Variants in SLC6A12 observed in about 807,000 individuals in gnomAD.
The protein encoded by SLC6A12 is solute carrier family 6 member 12.
SLC6A12 carries 50 observed loss-of-function variants against 73.3 expected under a neutral mutation model. The ratio of observed to expected loss-of-function variants is 0.68; its 90% CI spans 0.54 to 0.86. The LOEUF is 0.86. Among genes scored for constraint, SLC6A12 ranks in the 40% least tolerant of loss-of-function variants. SLC6A12 has a pLI of 0.00. For synonymous variants in SLC6A12, 304 were observed against 309.2 expected, an observed-to-expected ratio of 0.98 and a Z score of 0.18; for missense variants, 648 against 772.8, an observed-to-expected ratio of 0.84 and a Z score of 1.92.
intron 15 of SLC6A12, among the ~76,000 whole-genome samples, chr12:192,211 T>C (rs1486459069): frequency 6.6e-6 from 1 of 152,214 alleles, no homozygotes; most frequent in Non-Finnish European, 1.5e-5. Flanking sequence ...CCTGAACCTT[T>C]CAGCAGTTTG....
At chr12:187,045 ATG>A (rs930446990), downstream of SLC6A12, among the ~76,000 whole-genome samples, 2 of 152,230 alleles carry the variant, frequency 1.3e-5, no homozygotes, top group African/African-American at 4.8e-5. Flanking sequence ...AAAAGCGAAT[ATG>A]TGAGAAAACC....
chr12:193,334 G>A lies in SLC6A12; in HGVS notation c.1473C>T (p.Tyr491=). 6.2e-7 allele frequency: 1 copy of A among 1,613,406 alleles called. No homozygotes were observed. Among genetic ancestry groups the A allele is most frequent in the Non-Finnish European group, 8.5e-7 (1 of 1,179,876 alleles). The change falls in exon 14 of 16, where the codon TAC becomes TAT. Residue 491 remains tyrosine (Y), a synonymous_variant. Transcript: ENST00000684302. The part of the protein sequence containing the change: ...FYDNIEDMIG[Y]RPWPLVKISW... ...AGATCTTCACCAGGGGCCATGGCCG[G>A]TAGCCAATCATGTCCTCAATGTTGT...
intron 10 of SLC6A12, among the ~76,000 whole-genome samples, chr12:197,090 C>CATCT (rs1565468864): frequency 4.5e-4 from 8 of 17,864 alleles, no homozygotes; most frequent in South Asian, 2.3e-3. Flanking sequence ...TCCATCCATC[C>CATCT]ATCCATCCAT....
chr12:204,970 C>T, intron 3 of SLC6A12: 1 of 384,458 alleles, frequency 2.6e-6, no homozygotes, highest in South Asian at 4.6e-5. Context: ...AATATATGCA[C>T]TATTTATTTT....
chr12:201,233 G>A, intron 6 of SLC6A12: 1 of 195,016 alleles, frequency 5.1e-6, no homozygotes, highest in South Asian at 1.1e-4. Context: ...CCTACGTGGG[G>A]GTTAGCTCAG....
chr12:189,262 C>G (rs905609045), downstream of SLC6A12, among the ~76,000 whole-genome samples: 2 of 152,156 alleles, frequency 1.3e-5, no homozygotes, highest in African/African-American at 4.8e-5. Context: ...CGCTACTCCC[C>G]TCTGCCACCC....
intron 3 of SLC6A12, among the ~76,000 whole-genome samples, chr12:208,236 C>A (rs1374102727): frequency 1.3e-5 from 2 of 152,218 alleles, no homozygotes; most frequent in African/African-American, 4.8e-5. Context: ...GAAACCACCA[C>A]CCTGCCCCTT....
At position 198,058 on chromosome 12, in the gene SLC6A12, G is replaced by C; in HGVS notation, c.847-55C>G. ...GCAGCCCCCAGGGCCCAGAGCCAGG[G>C]TGACCCGAGATCCAGACCCGTCCCC... On this transcript the variant is annotated intron_variant, in intron 8 of 15. Transcript: ENST00000684302. This position sits in a 1 kb window ranked among gnomAD's most constrained non-coding sequence, Gnocchi z 4.0. 6.8e-7 allele frequency: 1 copy of C among 1,474,110 alleles called. No individual in the cohort carries two copies. Among genetic ancestry groups the C allele is most frequent in the Non-Finnish European group, 9.5e-7 (1 of 1,054,672 alleles). 91.3% of individuals were successfully genotyped at this position (1,474,110 alleles called of 1,614,324 possible). A position where few individuals can be genotyped will look rare whatever the true frequency, so the allele number is the denominator to read the frequency against.
intron 2 of SLC6A12, among the ~76,000 whole-genome samples, 193 bp downstream of exon 2, chr12:211,833 G>A (rs1372320841): frequency 2.0e-5 from 3 of 152,210 alleles, no homozygotes; most frequent in African/African-American, 7.2e-5. Context: ...TGACATCTGA[G>A]TCAGCAGTAT....
Position 197,441 on chromosome 12 carries a change from G to C in SLC6A12, c.1011C>G (p.Val337=), listed in dbSNP as rs780353189. Residue 337 remains valine (V), a synonymous_variant, in exon 10 of 16, where the codon GTC becomes GTG. Coordinates refer to ENST00000684302, the MANE Select transcript of SLC6A12 (RefSeq NM_001122848.3). ...GGGACATGAAGCCCAGGATGGAGAA[G>C]ACAACAAACCCAGCCACAAAGCTGG... ...SATSFVAGFV[V]FSILGFMSQE... 11 of 1,613,998 alleles carry C rather than the reference G, an allele frequency of 6.8e-6. No individual in the cohort carries two copies. The highest frequency in any genetic ancestry group is 2.2e-5 in the East Asian group (1 of 44,870).
At chr12:206,385 T>C (rs1461027325) in intron 3 of SLC6A12, among the ~76,000 whole-genome samples, 2 of 152,250 alleles carry the variant, frequency 1.3e-5, no homozygotes, top group South Asian at 4.1e-4. Context: ...GCCTCCAAGA[T>C]TGATCCAGGT....
At chr12:186,396 T>C (rs997815145), downstream of SLC6A12, among the ~76,000 whole-genome samples, 1 of 152,220 alleles carries the variant, frequency 6.6e-6, no homozygotes, top group African/African-American at 2.4e-5. Flanking sequence ...TATCTACTGC[T>C]GTGTAAAAAA....
chr12:197,613 G>C lies in SLC6A12; in HGVS notation c.951-112C>G, dbSNP rs1939988164. On this transcript the variant is annotated intron_variant, in intron 9 of 15. Transcript: ENST00000684302. ...ACAGTGAGAGGGGACCAAGGAGAGA[G>C]AAGGGGGAGGCAAGGGAGGCACAGA... The C allele has an allele frequency of 2.6e-6, 3 of 1,156,580 alleles. No homozygotes were observed. The Admixed American group carries it at 8.3e-5, about 32-fold the overall frequency. The allele number at this position is 1,156,580 out of a possible 1,614,324, so 71.6% of individuals were successfully genotyped here. A position where few individuals can be genotyped will look rare whatever the true frequency, so the allele number is the denominator to read the frequency against.
rs199764894 is a variant in SLC6A12 at position 195,179 on chromosome 12, G to A, written c.1429+46C>T. ...AAAGCCTGCCCCTGGCTGGCTAGACGGTCTTTCTCCCACCCTGCTTTCCCA... is the reference window on the plus strand; with the variant it reads ...AAAGCCTGCCCCTGGCTGGCTAGACAGTCTTTCTCCCACCCTGCTTTCCCA... On this transcript the variant is annotated intron_variant, in intron 13 of 15. Coordinates refer to ENST00000684302, the MANE Select transcript of SLC6A12 (RefSeq NM_001122848.3). 7.0e-5 allele frequency: 87 copies of A among 1,239,276 alleles called. No homozygotes were observed. The African/African-American group carries it at 8.3e-4, about 12-fold the overall frequency. The allele number at this position is 1,239,276 out of a possible 1,614,324, so 76.8% of individuals were successfully genotyped here.
downstream of SLC6A12, among the ~76,000 whole-genome samples, chr12:187,764 C>T (rs1591772585): frequency 6.6e-6 from 1 of 152,026 alleles, no homozygotes; most frequent in Non-Finnish European, 1.5e-5. Context: ...TTACAGAGAG[C>T]CGATTGGTCC....
At position 198,111 on chromosome 12, in the gene SLC6A12, T is replaced by C; in HGVS notation, c.847-108A>G. 2.5e-6 allele frequency: 2 copies of C among 802,486 alleles called. No individual in the cohort carries two copies. Among genetic ancestry groups the C allele is most frequent in the South Asian group, 3.2e-5 (2 of 63,242 alleles). The allele number at this position is 802,486 out of a possible 1,614,324, so 49.7% of individuals were successfully genotyped here. A position where few individuals can be genotyped will look rare whatever the true frequency, so the allele number is the denominator to read the frequency against. The stretch of plus-strand genomic sequence containing the variant: ...CAGCACCAGCCTGGCCCCTCAGTGC[T>C]CCCTGAGCGCTTCCCTCCTGCATCC... On this transcript the variant is annotated intron_variant, in intron 8 of 15. Transcript: ENST00000684302. The surrounding 1 kb of genome is among the most constrained non-coding windows in gnomAD (Gnocchi z 4.0).
chr12:191,146 A>G lies in SLC6A12; in HGVS notation c.1767T>C (p.Asp589=). The change falls in exon 16 of 16, where the codon GAT becomes GAC. Residue 589 remains aspartate (D), a synonymous_variant. Coordinates refer to ENST00000684302, the MANE Select transcript of SLC6A12 (RefSeq NM_001122848.3). ...LPQPKQHPCL[D]GSAGRNFGPS... ...GCCCAAAGTTCCGGCCAGCACTGCC[A>G]TCCAAGCAGGGATGTTGCTTGGGCT... The G allele has an allele frequency of 7.5e-7, 1 of 1,337,278 alleles. No individual in the cohort carries two copies. Among genetic ancestry groups the G allele is most frequent in the South Asian group, 2.5e-5 (1 of 39,216 alleles). The allele number at this position is 1,337,278 out of a possible 1,614,324, so 82.8% of individuals were successfully genotyped here.
chr12:200,847 G>A (rs1940221636), intron 6 of SLC6A12, 64 bp from the exon 7 acceptor site: 2 of 1,535,788 alleles, frequency 1.3e-6, no homozygotes, highest in African/African-American at 2.7e-5. Flanking sequence ...GCGTCTGTCA[G>A]CAAGTCTCCT....
At position 192,653 on chromosome 12, in the gene SLC6A12, G is replaced by A. The variant is rs1377246646; in HGVS notation, c.1531-5C>T. 1 of 1,614,044 alleles carries A rather than the reference G, an allele frequency of 6.2e-7. No homozygotes were observed. Among genetic ancestry groups the A allele is most frequent in the African/African-American group, 1.3e-5 (1 of 75,032 alleles). On this transcript the variant is annotated splice_region_variant and splice_polypyrimidine_tract_variant and intron_variant, in intron 14 of 15. Transcript: ENST00000684302. ...CAAGGAGAAGAGGAAAGTGGCCTGG[G>A]AGAAGGAAGGGGCAGCCATGGGTAA...
Sources: gnomAD v4.1 joint callset for allele counts (sites outside exome capture counted in the v4.1 genomes callset) on GRCh38, gnomAD v4.1.1 for gene constraint, Gnocchi (gnomAD v3.1) non-coding constraint, MANE v1.5 for transcripts, NCBI Gene and HGNC (gene_info 2026-07-23, HGNC 2026-07-21) for gene names.